The following PRKAR1B variants were observed in gnomAD, a reference collection of about 807,000 sequenced individuals.
PRKAR1B encodes the protein protein kinase cAMP-dependent type I regulatory subunit beta.
A neutral mutation model predicts 46.5 loss-of-function variants in PRKAR1B; 22 were observed. That is an observed-to-expected ratio of 0.47 (90% CI 0.34 to 0.68). The LOEUF (loss-of-function observed/expected upper bound fraction) is 0.68, where lower values mean the gene tolerates loss of function less well. PRKAR1B is among the 30% of genes least tolerant of loss of function. PRKAR1B has a pLI of 0.01. For synonymous variants in PRKAR1B, 259 were observed against 217.7 expected (o/e 1.19, Z -1.67); for missense variants, 445 against 535.6 (o/e 0.83, Z 1.67).
chr7:596,066 C>A, intron 7 of PRKAR1B, 80 bp downstream of exon 7: 1 of 1,533,578 alleles, frequency 6.5e-7, no homozygotes, highest in Non-Finnish European at 8.8e-7. Flanking sequence ...TGCATCCCCA[C>A]CTTGAATAGA....
At chr7:662,713 G>A (rs2128496715) in intron 4 of PRKAR1B, among the ~76,000 whole-genome samples, 1 of 151,990 alleles carries the variant, frequency 6.6e-6, no homozygotes, top group Non-Finnish European at 1.5e-5. Flanking sequence ...CACCCCAACA[G>A]ATCCAAATAC....
chr7:665,688 G>A lies in PRKAR1B; in HGVS notation c.440+11541C>T, dbSNP rs545753743. ...AAAATGCTAATTTTGTTTTTTTAAT[G>A]TTGCCCGAAAGGGAAGCAGAAAGTC... On this transcript the variant is annotated intron_variant, in intron 4 of 10. Coordinates refer to ENST00000537384, the MANE Select transcript of PRKAR1B (RefSeq NM_001164760.2). Among the ~76,000 whole-genome samples the A allele has an allele frequency of 5.9e-5, 9 of 152,306 alleles. 1 individual carries two copies. The South Asian group carries it at 1.5e-3, about 25-fold the overall frequency.
intron 4 of PRKAR1B, chr7:607,737 T>G (rs1782185256): frequency 3.0e-6 from 1 of 329,566 alleles, no homozygotes; most frequent in Non-Finnish European, 5.6e-6. Context: ...CATACATGCA[T>G]TTTGAACTCC....
chr7:707,078 G>A (rs1225664655), intron 2 of PRKAR1B, among the ~76,000 whole-genome samples: 1 of 152,214 alleles, frequency 6.6e-6, no homozygotes, highest in Non-Finnish European at 1.5e-5. Flanking sequence ...ACACGCAGCA[G>A]GAAATGAGAC....
rs993714570 is a variant in PRKAR1B at position 600,634 on chromosome 7, G to T, written c.550-4330C>A. Among the ~76,000 whole-genome samples the T allele has an allele frequency of 2.0e-5, 3 of 152,368 alleles. No homozygotes were observed. The South Asian group carries it at 6.2e-4, about 32-fold the overall frequency. On this transcript the variant is annotated intron_variant, in intron 6 of 10. Coordinates refer to ENST00000537384, the MANE Select transcript of PRKAR1B (RefSeq NM_001164760.2). ...GGTGCTCCCCAGCCCCCCAGAAAGA[G>T]CTCTTCCCCCAGACGTGTTGTGTGA...
chr7:642,612 C>G (rs1784444005), intron 4 of PRKAR1B, among the ~76,000 whole-genome samples: 1 of 150,934 alleles, frequency 6.6e-6, no homozygotes. Context: ...GTAGTCCCAG[C>G]TACTTGGGAG....
In PRKAR1B at chr7:564,549, C is replaced by T. The variant is rs142328936; in HGVS notation, c.892-13079G>A. On this transcript the variant is annotated intron_variant, in intron 9 of 10. Coordinates refer to ENST00000537384, the MANE Select transcript of PRKAR1B (RefSeq NM_001164760.2). ...TCACACACTCAGGTCCCCGCCCCAC[C>T]GCATTCAGGCCCTCGACTCCAGCCA... Among the ~76,000 whole-genome samples, 629 of 152,346 alleles carry T rather than the reference C, an allele frequency of 4.1e-3. 3 individuals are homozygous for T. Among genetic ancestry groups the T allele is most frequent in the African/African-American group, 0.014 (589 of 41,598 alleles).
At chr7:611,769 A>AATGGATGG (rs66758527) in intron 4 of PRKAR1B, among the ~76,000 whole-genome samples, 1,677 of 150,060 alleles carry the variant, frequency 0.011, 40 homozygotes, top group African/African-American at 0.038. Context: ...TAGACGAATG[A>AATGGATGG]ATGGATGGAT....
At chr7:605,465 G>A (rs1445413435) in intron 6 of PRKAR1B, among the ~76,000 whole-genome samples, 1 of 152,204 alleles carries the variant, frequency 6.6e-6, no homozygotes, top group South Asian at 2.1e-4. Context: ...CAGAGGCTCT[G>A]GGCAAGACTG....
intron 4 of PRKAR1B, among the ~76,000 whole-genome samples, chr7:616,034 C>A (rs557319783): frequency 7.5e-6 from 1 of 133,536 alleles, no homozygotes; most frequent in East Asian, 2.4e-4. Flanking sequence ...GAGAAAGCAG[C>A]TGAGGCTGAG....
At chr7:696,325 G>A (rs1303535664) in intron 2 of PRKAR1B, among the ~76,000 whole-genome samples, 2 of 150,684 alleles carry the variant, frequency 1.3e-5, no homozygotes, top group Admixed American at 1.3e-4. Flanking sequence ...AGGCTGGAGT[G>A]CAGTGTCGCG....
chr7:716,092 G>C (rs1780875466), intron 1 of PRKAR1B, among the ~76,000 whole-genome samples: 1 of 151,876 alleles, frequency 6.6e-6, no homozygotes, highest in Non-Finnish European at 1.5e-5. Flanking sequence ...CTGTCGCCCA[G>C]GCTGGAGTGC....
intron 1 of PRKAR1B, among the ~76,000 whole-genome samples, chr7:722,748 C>T (rs1781118497): frequency 6.6e-6 from 1 of 152,228 alleles, no homozygotes; most frequent in Non-Finnish European, 1.5e-5. Context: ...ACATCCGTTA[C>T]CTTACCATGT....
At chr7:600,347 A>C (rs1781519017) in intron 6 of PRKAR1B, among the ~76,000 whole-genome samples, 1 of 151,904 alleles carries the variant, frequency 6.6e-6, no homozygotes. Context: ...TCTATGAAAA[A>C]CTTTAAAATT....
intron 4 of PRKAR1B, among the ~76,000 whole-genome samples, chr7:613,865 C>G (rs1782660703): frequency 6.6e-6 from 1 of 152,250 alleles, no homozygotes; most frequent in African/African-American, 2.4e-5. Context: ...AAACCCCTCC[C>G]CAGCCTGCAG....
At chr7:660,738 C>A (rs1221622700) in intron 4 of PRKAR1B, among the ~76,000 whole-genome samples, 1 of 130,382 alleles carries the variant, frequency 7.7e-6, no homozygotes, top group Non-Finnish European at 1.6e-5. Flanking sequence ...AGGTCCCCAC[C>A]CCAACGGGTC....
chr7:694,127 A>G (rs141281964), intron 2 of PRKAR1B, among the ~76,000 whole-genome samples: 1,680 of 152,264 alleles, frequency 0.011, 23 homozygotes, highest in East Asian at 0.1. Flanking sequence ...TACTAAAAAT[A>G]CAAAAAAATT....
At chr7:599,748 G>C (rs1781485475) in intron 6 of PRKAR1B, among the ~76,000 whole-genome samples, 1 of 152,032 alleles carries the variant, frequency 6.6e-6, no homozygotes, top group African/African-American at 2.4e-5. Context: ...TCAATGGTGG[G>C]ACAGAGGTGC....
intron 9 of PRKAR1B, among the ~76,000 whole-genome samples, chr7:556,477 G>A (rs1243108280): frequency 1.3e-5 from 2 of 152,198 alleles, no homozygotes; most frequent in African/African-American, 4.8e-5. Context: ...CACATAAAGG[G>A]GTAAAACACC....
Sources: allele counts gnomAD v4.1 joint callset (sites outside exome capture counted in the v4.1 genomes callset), GRCh38; gene constraint gnomAD v4.1.1; transcripts MANE v1.5; gene names NCBI Gene and HGNC (gene_info 2026-07-23, HGNC 2026-07-21).